Variants in PEX2 observed in about 807,000 individuals in gnomAD.
The protein encoded by PEX2 is peroxisomal biogenesis factor 2.
Under a neutral mutation model 25.2 loss-of-function variants are expected in PEX2, and 19 were observed. The observed-to-expected ratio is 0.75, with a 90% CI of 0.53 to 1.10. The LOEUF (loss-of-function observed/expected upper bound fraction) is 1.10, where lower values mean the gene tolerates loss of function less well. Among genes scored for constraint, PEX2 ranks in the 50% least tolerant of loss-of-function variants. The probability of loss-of-function intolerance (pLI) is 0.00; values close to 1 mark genes in which losing one functional copy is unlikely to be tolerated. For synonymous variants in PEX2, 141 were observed against 127.7 expected (o/e 1.10, Z -0.70); for missense variants, 347 against 350.6 (o/e 0.99, Z 0.08).
Position 76,983,521 on chromosome 8 carries a change from G to C in PEX2, c.658C>G (p.Leu220Val), listed in dbSNP as rs762507469. 1 of 1,614,024 alleles carries C rather than the reference G, an allele frequency of 6.2e-7. No homozygotes were observed. Among genetic ancestry groups the C allele is most frequent in the Non-Finnish European group, 8.5e-7 (1 of 1,179,998 alleles). ...GTAAGAGGAATACACCATGAAGACAGCTTGGCTTTCAACTTCTGGACATTG... is the reference window on the plus strand; with the variant it reads ...GTAAGAGGAATACACCATGAAGACACCTTGGCTTTCAACTTCTGGACATTG... Reference protein sequence around the residue: ...LINVQKLKAKLSSWCIPLTGA... With the variant: ...LINVQKLKAKVSSWCIPLTGA... Residue 220 changes from leucine (L) to valine (V), a missense_variant, in exon 4 of 4, where the codon CTG (leucine) becomes GTG (valine). Leu to Val is a conservative substitution (Grantham distance 32). Transcript: ENST00000357039.
At chr8:76,999,054 A>G (rs2132063860) in intron 1 of PEX2, among the ~76,000 whole-genome samples, 1 of 152,004 alleles carries the variant, frequency 6.6e-6, no homozygotes, top group South Asian at 2.1e-4. Flanking sequence ...CTCAACTGTA[A>G]TCTTTCTGGA....
At position 76,984,811 on chromosome 8, in the gene PEX2, C is replaced by T. The variant is rs375175912; in HGVS notation, c.-17-616G>A. On this transcript the variant is annotated intron_variant, in intron 3 of 3. Transcript: ENST00000357039. ...GGTTACTATTCTATCACGCTATTGC[C>T]GAAAATAAATAGTACTAAATCTTAG... 9.9e-5 allele frequency among the ~76,000 whole-genome samples: 15 copies of T among 151,532 alleles called. 1 individual carries two copies. In the East Asian group the frequency reaches 1.4e-3, roughly 14 times the overall value.
At chr8:76,999,708 CTCT>C (rs1315748433) in intron 1 of PEX2, 2 of 380,278 alleles carry the variant, frequency 5.3e-6, no homozygotes, top group Admixed American at 3.5e-5. Flanking sequence ...CGAAGTTCGT[CTCT>C]TAAGTTACTA....
At position 76,996,806 on chromosome 8, in the gene PEX2, A is replaced by C. The variant is rs1586079089; in HGVS notation, c.-160+3184T>G. 3.3e-5 allele frequency among the ~76,000 whole-genome samples: 5 copies of C among 152,140 alleles called. No homozygotes were observed. The South Asian group carries it at 1.0e-3, about 31-fold the overall frequency. On this transcript the variant is annotated intron_variant, in intron 1 of 3. Transcript: ENST00000357039. Reference sequence around the variant, plus strand: ...AACTTTTCTTTACATTCTTTATTTCATTTAATCCTCACAACACAGTAAGTA... The same window carrying C: ...AACTTTTCTTTACATTCTTTATTTCCTTTAATCCTCACAACACAGTAAGTA...
chr8:76,983,352 A>G lies in PEX2; in HGVS notation c.827T>C (p.Val276Ala), dbSNP rs1316401352. ...FCAKSSFLFD[V>A]YFTCPKCGTE... ...GCCACACTTAGGACAAGTAAAGTAC[A>G]CGTCAAATAAGAAACTACTCTTAGC... Residue 276 changes from valine (V) to alanine (A), a missense_variant, in exon 4 of 4, where the codon GTG becomes GCG. By Grantham distance (64) the Val-to-Ala change is moderately conservative. Transcript: ENST00000357039. The G allele has an allele frequency of 6.2e-7, 1 of 1,613,952 alleles. No individual in the cohort carries two copies. The highest frequency in any genetic ancestry group is 1.3e-5 in the African/African-American group (1 of 74,944).
chr8:76,992,324 C>G (rs969316168), intron 1 of PEX2, among the ~76,000 whole-genome samples: 5 of 152,146 alleles, frequency 3.3e-5, no homozygotes, highest in Non-Finnish European at 5.9e-5. Flanking sequence ...ATATTTGACT[C>G]TAGGGTGCTT....
rs1177273854 is a variant in PEX2, at chr8:76,982,231, C to G, written c.*1030G>C. ...AGGCAGAGAAAAAGAGTGAAGGATA[C>G]AGAATTATCTTGATTATGCACTGCT... On this transcript the variant is annotated 3_prime_UTR_variant, in exon 4 of 4. Coordinates refer to ENST00000357039, the MANE Select transcript of PEX2 (RefSeq NM_000318.3). 1 of 152,090 alleles carries G rather than the reference C, an allele frequency of 6.6e-6. No homozygotes were observed. Among genetic ancestry groups the G allele is most frequent in the Non-Finnish European group, 1.5e-5 (1 of 68,014 alleles). The allele number at this position is 152,090 out of a possible 1,614,324, so 9.4% of individuals were successfully genotyped here. A position where few individuals can be genotyped will look rare whatever the true frequency, so the allele number is the denominator to read the frequency against.
rs1201496727 is a variant in PEX2, at chr8:76,983,537, C to T, written c.642G>A (p.Gln214=). The T allele has an allele frequency of 9.9e-6, 16 of 1,613,916 alleles. No individual in the cohort carries two copies. In the Admixed American group the frequency reaches 1.3e-4, roughly 13 times the overall value. ...LIFLLPLINV[Q]KLKAKLSSWC... ...ATGAAGACAGCTTGGCTTTCAACTT[C>T]TGGACATTGATAAGTGGTAAGAGAA... Residue 214 remains glutamine, a synonymous_variant, in exon 4 of 4, where the codon CAG becomes CAA. Coordinates refer to ENST00000357039, the MANE Select transcript of PEX2 (RefSeq NM_000318.3).
chr8:76,996,355 G>C (rs1369816821), intron 1 of PEX2, among the ~76,000 whole-genome samples: 1 of 152,174 alleles, frequency 6.6e-6, no homozygotes, highest in Non-Finnish European at 1.5e-5. Context: ...GAAATCCCAT[G>C]ACCAGAGGGG....
At chr8:76,997,395 C>G (rs896108496) in intron 1 of PEX2, among the ~76,000 whole-genome samples, 1 of 152,110 alleles carries the variant, frequency 6.6e-6, no homozygotes, top group African/African-American at 2.4e-5. Flanking sequence ...ATGGTGAAAC[C>G]CTGTCTCTAC....
chr8:76,984,379 G>C (rs1454409559), intron 3 of PEX2, among the ~76,000 whole-genome samples, 184 bp from the exon 4 acceptor site: 2 of 152,088 alleles, frequency 1.3e-5, no homozygotes, highest in South Asian at 4.1e-4. Context: ...TCGTCTCTCA[G>C]AGCCTTTCTT....
rs866256060 is a variant in PEX2 at position 76,984,115 on chromosome 8, C to T, written c.64G>A (p.Ala22Thr). 2 of 1,613,646 alleles carry T rather than the reference C, an allele frequency of 1.2e-6. No individual in the cohort carries two copies. The highest frequency in any genetic ancestry group is 1.3e-5 in the African/African-American group (1 of 75,002). Residue 22 changes from alanine to threonine, a missense_variant, in exon 4 of 4, where the codon GCA (alanine) becomes ACA (threonine). Ala to Thr is a moderately conservative substitution (Grantham distance 58). Coordinates refer to ENST00000357039, the MANE Select transcript of PEX2 (RefSeq NM_000318.3). Reference protein sequence around the residue: ...NRVLRISQLDALELNKALEQL... With the variant: ...NRVLRISQLDTLELNKALEQL... ...TCCAGGGCCTTGTTTAGTTCAAGTG[C>T]ATCCAACTGGCTTATTCTTAGCACT...
In PEX2 at chr8:76,983,098, A is replaced by G; in HGVS notation, c.*163T>C. The G allele has an allele frequency of 4.1e-6, 6 of 1,464,986 alleles. No individual in the cohort carries two copies. The highest frequency in any genetic ancestry group is 5.4e-6 in the Non-Finnish European group (6 of 1,107,794). The allele number at this position is 1,464,986 out of a possible 1,614,324, so 90.7% of individuals were successfully genotyped here. A position where few individuals can be genotyped will look rare whatever the true frequency, so the allele number is the denominator to read the frequency against. ...ACATTTACATAATATATTTAGAATC[A>G]CATGGTTTCCAGTGATTAGATTTCA... On this transcript the variant is annotated 3_prime_UTR_variant, in exon 4 of 4. Transcript: ENST00000357039.
intron 1 of PEX2, among the ~76,000 whole-genome samples, chr8:76,996,456 TCA>T (rs1208392998): frequency 6.6e-6 from 1 of 152,054 alleles, no homozygotes; most frequent in Non-Finnish European, 1.5e-5. Context: ...GTACCACAGG[TCA>T]CACAGATGGG....
chr8:76,987,426 CAGATG>C (rs1479934833), intron 2 of PEX2, among the ~76,000 whole-genome samples: 2 of 151,986 alleles, frequency 1.3e-5, no homozygotes, highest in Admixed American at 1.3e-4. Context: ...TAGAGGTGCA[CAGATG>C]AGATAAGGCT....
Position 76,984,074 on chromosome 8 carries a change from G to A in PEX2, c.105C>T (p.Ser35=), listed in dbSNP as rs1424842404. 4 of 1,612,236 alleles carry A rather than the reference G, an allele frequency of 2.5e-6. No individual in the cohort carries two copies. The highest frequency in any genetic ancestry group is 3.4e-6 in the Non-Finnish European group (4 of 1,179,042). Reference sequence around the variant, plus strand: ...ATCCATGAAAGCACTGAGTAAACTGGGACCAAACTAGCTGCTCCAGGGCCT... The same window carrying A: ...ATCCATGAAAGCACTGAGTAAACTGAGACCAAACTAGCTGCTCCAGGGCCT... ...LNKALEQLVW[S]QFTQCFHGFK... is the part of the protein sequence containing the mutation. The change falls in exon 4 of 4, where the codon TCC becomes TCT. Residue 35 remains serine, a synonymous_variant. Transcript: ENST00000357039.
At chr8:76,998,474 G>C (rs1215198932) in intron 1 of PEX2, among the ~76,000 whole-genome samples, 1 of 152,112 alleles carries the variant, frequency 6.6e-6, no homozygotes, top group Non-Finnish European at 1.5e-5. Context: ...AAAATAAATT[G>C]AAACAGAATA....
rs149287302 is a variant in PEX2, at chr8:76,984,088, G to C, written c.91C>G (p.Gln31Glu). 1.6e-3 allele frequency: 2,542 copies of C among 1,612,476 alleles called. 17 individuals are homozygous for C. Among genetic ancestry groups the C allele is most frequent in the Middle Eastern group, 3.0e-3 (18 of 6,046 alleles). Reference protein sequence around the residue: ...DALELNKALEQLVWSQFTQCF... With the variant: ...DALELNKALEELVWSQFTQCF... ...TGAGTAAACTGGGACCAAACTAGCT[G>C]CTCCAGGGCCTTGTTTAGTTCAAGT... is the stretch of plus-strand genomic sequence containing the variant. The change falls in exon 4 of 4, where the codon CAG becomes GAG. Residue 31 changes from glutamine to glutamate, a missense_variant. Gln to Glu is a conservative substitution (Grantham distance 29, BLOSUM62 2). Transcript: ENST00000357039.
At position 76,983,897 on chromosome 8, in the gene PEX2, T is replaced by A. The variant is rs140963177; in HGVS notation, c.282A>T (p.Arg94Ser). 1,279 of 1,614,038 alleles carry A rather than the reference T, an allele frequency of 7.9e-4. 2 individuals are homozygous for A. The highest frequency in any genetic ancestry group is 1.0e-3 in the Non-Finnish European group (1,203 of 1,180,010). The change falls in exon 4 of 4, where the codon AGA becomes AGT. Residue 94 changes from arginine (R) to serine (S), a missense_variant. Coordinates refer to ENST00000357039, the MANE Select transcript of PEX2 (RefSeq NM_000318.3). ...KYKNDFSPNL[R>S]YQPPSKNQKI... ...TTTGATTTTTACTGGGTGGCTGATA[T>A]CTCAGGTTAGGGGAAAAATCATTTT... is the stretch of plus-strand genomic sequence containing the variant.
Sources: gnomAD v4.1 joint callset for allele counts (sites outside exome capture counted in the v4.1 genomes callset) on GRCh38, gnomAD v4.1.1 for gene constraint, MANE v1.5 for transcripts, NCBI Gene and HGNC (gene_info 2026-07-23, HGNC 2026-07-21) for gene names.